The following FKBP1B variants were observed in gnomAD, a reference collection of about 807,000 sequenced individuals.
The protein encoded by FKBP1B is FKBP prolyl isomerase 1B.
FKBP1B carries 4 observed loss-of-function variants against 13.5 expected under a neutral mutation model. The observed-to-expected ratio is 0.30, with a 90% CI of 0.15 to 0.68. The LOEUF is 0.68. FKBP1B is among the 30% of genes least tolerant of loss of function. The pLI, the probability that FKBP1B is intolerant of heterozygous loss-of-function variation, is 0.76. For synonymous variants in FKBP1B, 54 were observed against 53.6 expected (o/e 1.01, Z -0.03); for missense variants, 93 against 136.2 (o/e 0.68, Z 1.58).
At chr2:24,051,444 A>G (rs1313720937) in intron 1 of FKBP1B, among the ~76,000 whole-genome samples, 1 of 152,030 alleles carries the variant, frequency 6.6e-6, no homozygotes, top group African/African-American at 2.4e-5. Flanking sequence ...GCTATGGTCT[A>G]TTCTCATCTT....
the FKBP1B span, chr2:24,038,052 T>G: frequency 6.2e-7 from 1 of 1,614,180 alleles, no homozygotes; most frequent in Admixed American, 1.7e-5. Context: ...TGGTATTAAC[T>G]GTCAGCAACA....
upstream of FKBP1B, chr2:24,047,360 C>G (rs931778528): frequency 6.6e-6 from 1 of 152,218 alleles, no homozygotes. Context: ...CTGTGGCCGC[C>G]CAACATCACG....
intron 3 of FKBP1B, among the ~76,000 whole-genome samples, chr2:24,062,605 C>T (rs539641281): frequency 1.6e-4 from 24 of 152,200 alleles, no homozygotes; most frequent in Non-Finnish European, 3.1e-4. Context: ...TGAGCCACCA[C>T]GGTTGGCCAC....
chr2:24,055,283 T>C (rs917377771), intron 2 of FKBP1B, among the ~76,000 whole-genome samples: 49 of 151,562 alleles, frequency 3.2e-4, no homozygotes, highest in South Asian at 8.3e-4. Context: ...TGATCACAGC[T>C]CATTGCAGCC....
intron 2 of FKBP1B, among the ~76,000 whole-genome samples, chr2:24,055,423 T>C (rs1165852035): frequency 6.6e-6 from 1 of 152,098 alleles, no homozygotes; most frequent in African/African-American, 2.4e-5. Flanking sequence ...TTGCCCGGGC[T>C]GGTCTCGAAC....
intron 2 of FKBP1B, chr2:24,054,386 AG>A: frequency 4.0e-6 from 1 of 249,612 alleles, no homozygotes; most frequent in South Asian, 5.6e-5. Context: ...ATGCCATTTG[AG>A]GGGTGGGGTG....
rs1369981187 is a variant in FKBP1B, at chr2:24,063,119, C to G, written c.254C>G (p.Ala85Gly). Residue 85 changes from alanine (A) to glycine (G), a missense_variant, in exon 4 of 4, where the codon GCC becomes GGC. By Grantham distance (60) the Ala-to-Gly change is moderately conservative. Coordinates refer to ENST00000380986, the MANE Select transcript of FKBP1B (RefSeq NM_004116.5). ...LTCTPDVAYG[A>G]TGHPGVIPPN... ...TGCACCCCTGATGTGGCATATGGAG[C>G]CACGGGCCACCCCGGTGTCATCCCT... 6.2e-7 allele frequency: 1 copy of G among 1,613,846 alleles called. No homozygotes were observed. The highest frequency in any genetic ancestry group is 1.7e-4 in the Middle Eastern group (1 of 6,060).
Position 24,049,800 on chromosome 2 carries a change from G to C in FKBP1B, c.-50G>C, listed in dbSNP as rs1325794653. 7.6e-7 allele frequency: 1 copy of C among 1,320,784 alleles called. No homozygotes were observed. Among genetic ancestry groups the C allele is most frequent in the Non-Finnish European group, 9.7e-7 (1 of 1,032,580 alleles). 81.8% of individuals were successfully genotyped at this position (1,320,784 alleles called of 1,614,324 possible). A position where few individuals can be genotyped will look rare whatever the true frequency, so the allele number is the denominator to read the frequency against. ...CGGGGCTGGGGCCGGAGCCGAGCCG[G>C]GGTCGGGCAGCAGCAGGGACCCCCC... On this transcript the variant is annotated 5_prime_UTR_variant, in exon 1 of 4. Transcript: ENST00000380986.
At chr2:24,062,370 G>T (rs931847301) in intron 3 of FKBP1B, among the ~76,000 whole-genome samples, 1 of 151,836 alleles carries the variant, frequency 6.6e-6, no homozygotes, top group African/African-American at 2.4e-5. Context: ...GTACAGACGG[G>T]GTCTCACCAT....
chr2:24,041,992 A>G, the FKBP1B span, among the ~76,000 whole-genome samples: 1 of 152,228 alleles, frequency 6.6e-6, no homozygotes. Context: ...TAAAATGAAA[A>G]ACTGCCTCAG....
At chr2:24,051,048 ACT>A (rs1341930159) in intron 1 of FKBP1B, among the ~76,000 whole-genome samples, 2 of 151,960 alleles carry the variant, frequency 1.3e-5, no homozygotes, top group African/African-American at 4.8e-5. Flanking sequence ...TAGCCTGAAG[ACT>A]CTTCTTAAAA....
chr2:24,039,561 C>G, the FKBP1B span: 1 of 1,540,406 alleles, frequency 6.5e-7, no homozygotes, highest in South Asian at 1.2e-5. Context: ...CTAGACAAAT[C>G]TAGAATGTAG....
In FKBP1B at chr2:24,054,374, C is replaced by T. The variant is rs115766664; in HGVS notation, c.85+425C>T. The T allele has an allele frequency of 8.7e-4, 226 of 259,184 alleles. 3 individuals are homozygous for T. Among genetic ancestry groups the T allele is most frequent in the African/African-American group, 4.8e-3 (214 of 44,374 alleles). The allele number at this position is 259,184 out of a possible 1,614,324, so 16.1% of individuals were successfully genotyped here. A position where few individuals can be genotyped will look rare whatever the true frequency, so the allele number is the denominator to read the frequency against. The stretch of plus-strand genomic sequence containing the variant: ...GGACAGACAAGTCACCCAGAGGCTC[C>T]GATGCCATTTGAGGGGTGGGGTGAT... On this transcript the variant is annotated intron_variant, in intron 2 of 3. Coordinates refer to ENST00000380986, the MANE Select transcript of FKBP1B (RefSeq NM_004116.5).
intron 1 of FKBP1B, among the ~76,000 whole-genome samples, chr2:24,051,555 G>A (rs775665499): frequency 2.6e-5 from 4 of 152,120 alleles, no homozygotes; most frequent in Admixed American, 6.5e-5. Context: ...CACACCACTC[G>A]TTCAGCAAAT....
At chr2:24,061,995 T>TG (rs1173329160) in intron 3 of FKBP1B, among the ~76,000 whole-genome samples, 1 of 151,868 alleles carries the variant, frequency 6.6e-6, no homozygotes, top group Non-Finnish European at 1.5e-5. Flanking sequence ...TCAGCCTCCC[T>TG]AGTAGCTGGG....
At chr2:24,038,125 T>G in the FKBP1B span, 1 of 1,614,232 alleles carries the variant, frequency 6.2e-7, no homozygotes, top group African/African-American at 1.3e-5. Context: ...TCTATTTGCT[T>G]TATTTAACGG....
the FKBP1B span, among the ~76,000 whole-genome samples, chr2:24,035,629 C>T: frequency 6.6e-6 from 1 of 152,000 alleles, no homozygotes; most frequent in Non-Finnish European, 1.5e-5. Context: ...AAAATCAAAA[C>T]TATGGCTGGG....
the FKBP1B span, chr2:24,038,138 C>G: frequency 6.2e-7 from 1 of 1,614,078 alleles, no homozygotes; most frequent in African/African-American, 1.3e-5. Context: ...TTTAACGGAG[C>G]ACTGAAAGTA....
the FKBP1B span, among the ~76,000 whole-genome samples, chr2:24,044,266 G>GT: frequency 7.2e-5 from 10 of 139,214 alleles, no homozygotes; most frequent in East Asian, 2.2e-4. Flanking sequence ...GTTTACTGAG[G>GT]TTTTTTTTTG....
Sources: allele counts gnomAD v4.1 joint callset (sites outside exome capture counted in the v4.1 genomes callset), GRCh38; gene constraint gnomAD v4.1.1; transcripts MANE v1.5; gene names NCBI Gene and HGNC (gene_info 2026-07-23, HGNC 2026-07-21).